TXNDC9: variants seen among roughly 807,000 people sequenced by gnomAD.
The protein encoded by TXNDC9 is thioredoxin domain containing 9, also known as thioredoxin domain-containing protein 9.
A neutral mutation model predicts 23.0 loss-of-function variants in TXNDC9; 7 were observed. The ratio of observed to expected loss-of-function variants is 0.30; its 90% CI spans 0.17 to 0.57. The LOEUF is 0.57. TXNDC9 is among the 20% of genes least tolerant of loss of function. The pLI is 0.90. For missense variants in TXNDC9, 198 were observed against 252.6 expected, an observed-to-expected ratio of 0.78 and a Z score of 1.47; for synonymous variants, 72 against 90.6, an observed-to-expected ratio of 0.79 and a Z score of 1.17.
At chr2:99,314,305 T>G (rs1301901953), downstream of TXNDC9, among the ~76,000 whole-genome samples, 1 of 152,190 alleles carries the variant, frequency 6.6e-6, no homozygotes, top group Non-Finnish European at 1.5e-5. Context: ...TCTGCATCTG[T>G]GGATTCAACC....
chr2:99,329,725 T>G (rs1050826938), intron 2 of TXNDC9, among the ~76,000 whole-genome samples: 4 of 152,116 alleles, frequency 2.6e-5, no homozygotes, highest in Non-Finnish European at 5.9e-5. Flanking sequence ...CTCAGCACTT[T>G]GGGAGGCTGA....
At chr2:99,311,412 C>T in the TXNDC9 span, among the ~76,000 whole-genome samples, 8 of 152,234 alleles carry the variant, frequency 5.3e-5, no homozygotes, top group Admixed American at 1.3e-4. Flanking sequence ...CTCAGCCTCT[C>T]AACTAACTAG....
At chr2:99,335,776 T>C (rs2094237943) in intron 1 of TXNDC9, among the ~76,000 whole-genome samples, 2 of 152,218 alleles carry the variant, frequency 1.3e-5, no homozygotes, top group African/African-American at 2.4e-5. Context: ...AGAGCTATTC[T>C]GGGTGTAGGT....
chr2:99,334,815 C>T (rs977018543), intron 1 of TXNDC9, among the ~76,000 whole-genome samples: 1 of 152,208 alleles, frequency 6.6e-6, no homozygotes, highest in African/African-American at 2.4e-5. Context: ...GGGTTCACGC[C>T]ATTCTCCTGC....
At chr2:99,333,411 T>C (rs1253864624) in intron 1 of TXNDC9, among the ~76,000 whole-genome samples, 169 bp from the exon 2 acceptor site, 4 of 152,182 alleles carry the variant, frequency 2.6e-5, no homozygotes, top group African/African-American at 9.7e-5. Context: ...GTTTTTAAAT[T>C]TAATTCTCAG....
chr2:99,324,744 T>C (rs1050144189), intron 3 of TXNDC9, among the ~76,000 whole-genome samples: 2 of 152,082 alleles, frequency 1.3e-5, no homozygotes, highest in Non-Finnish European at 2.9e-5. Context: ...TGGCTAATTT[T>C]AATTTGTATT....
At chr2:99,327,759 TAA>T (rs569332347) in intron 2 of TXNDC9, 106 bp from the exon 3 acceptor site, 6 of 613,696 alleles carry the variant, frequency 9.8e-6, no homozygotes, top group South Asian at 2.9e-5. Context: ...TGAAGTCAAT[TAA>T]AAAAAAAAGT....
At chr2:99,331,157 A>C (rs545711279) in intron 2 of TXNDC9, among the ~76,000 whole-genome samples, 1 of 152,230 alleles carries the variant, frequency 6.6e-6, no homozygotes, top group African/African-American at 2.4e-5. Context: ...TTAGTTGCAC[A>C]TTAGCAATTA....
At chr2:99,326,360 T>C (rs72954284) in intron 3 of TXNDC9, among the ~76,000 whole-genome samples, 22,411 of 152,130 alleles carry the variant, frequency 0.15, 1,816 homozygotes, top group East Asian at 0.26. Flanking sequence ...GCCACAGAAA[T>C]GAGAAAGAGA....
chr2:99,323,733 C>T (rs1483556497), intron 3 of TXNDC9, among the ~76,000 whole-genome samples: 1 of 152,152 alleles, frequency 6.6e-6, no homozygotes, highest in Non-Finnish European at 1.5e-5. Flanking sequence ...AAGACTCTGT[C>T]TCAAAAAATT....
At chr2:99,324,035 G>A (rs375388395) in intron 3 of TXNDC9, among the ~76,000 whole-genome samples, 9 of 151,958 alleles carry the variant, frequency 5.9e-5, no homozygotes, top group African/African-American at 2.2e-4. Context: ...TAGTAGCGAT[G>A]GGGTTTCACC....
chr2:99,329,794 C>G (rs1000706701), intron 2 of TXNDC9, among the ~76,000 whole-genome samples: 6 of 151,354 alleles, frequency 4.0e-5, no homozygotes, highest in Admixed American at 2.6e-4. Context: ...ACGGCGAAAC[C>G]CTGTCTCTAC....
chr2:99,309,186 C>A, the TXNDC9 span, among the ~76,000 whole-genome samples: 18 of 146,764 alleles, frequency 1.2e-4, no homozygotes, highest in African/African-American at 4.0e-4. Context: ...CAGCCTGGCC[C>A]GCATGACGAA....
At chr2:99,329,634 T>C (rs1328674736) in intron 2 of TXNDC9, among the ~76,000 whole-genome samples, 4 of 152,236 alleles carry the variant, frequency 2.6e-5, no homozygotes, top group East Asian at 1.9e-4. Flanking sequence ...TGACATTTCA[T>C]GACTGCTTTC....
At chr2:99,309,207 T>C in the TXNDC9 span, among the ~76,000 whole-genome samples, 2 of 148,994 alleles carry the variant, frequency 1.3e-5, no homozygotes, top group South Asian at 2.2e-4. Flanking sequence ...ACCCCGTCTT[T>C]ACTAAAAATA....
rs1004023407 is a variant in TXNDC9, at chr2:99,336,132, A to T, written c.-33+107T>A. 3.2e-6 allele frequency: 3 copies of T among 931,706 alleles called. No individual in the cohort carries two copies. In the African/African-American group the frequency reaches 5.3e-5, roughly 17 times the overall value. 57.7% of individuals were successfully genotyped at this position (931,706 alleles called of 1,614,324 possible). On this transcript the variant is annotated intron_variant, in intron 1 of 4. Transcript: ENST00000264255. ...CAAGAGCCTCTGCCAGGACACCGAC[A>T]CCGGTGCTGGGGCCGCGCCCCTCCT... is the stretch of plus-strand genomic sequence containing the variant.
At chr2:99,333,353 T>C in intron 1 of TXNDC9, 111 bp from the exon 2 acceptor site, 1 of 824,006 alleles carries the variant, frequency 1.2e-6, no homozygotes. Flanking sequence ...CTATGGAGTA[T>C]TCTAACGACA....
At chr2:99,329,598 C>G (rs529921227) in intron 2 of TXNDC9, among the ~76,000 whole-genome samples, 2 of 152,218 alleles carry the variant, frequency 1.3e-5, no homozygotes, top group African/African-American at 4.8e-5. Context: ...CAGTTTAACT[C>G]TCAAATACAA....
intron 3 of TXNDC9, among the ~76,000 whole-genome samples, chr2:99,324,572 A>C (rs1205605898): frequency 3.0e-5 from 4 of 133,142 alleles, no homozygotes; most frequent in Admixed American, 7.4e-5. Flanking sequence ...TAACTGCAGT[A>C]AGGAACGTAT....
Sources: allele counts gnomAD v4.1 joint callset (sites outside exome capture counted in the v4.1 genomes callset), GRCh38; gene constraint gnomAD v4.1.1; transcripts MANE v1.5; gene names NCBI Gene and HGNC (gene_info 2026-07-23, HGNC 2026-07-21).